RBFOX3: variants seen among roughly 807,000 people sequenced by gnomAD.
RBFOX3 encodes the protein RNA binding fox-1 homolog 3, also known as RNA binding protein fox-1 homolog 3.
A neutral mutation model predicts 48.7 loss-of-function variants in RBFOX3; 17 were observed. That is an observed-to-expected ratio of 0.35 (90% confidence interval 0.24 to 0.52). RBFOX3 has a LOEUF of 0.52. RBFOX3 is among the 20% of genes least tolerant of loss of function. RBFOX3 has a pLI of 0.94. For missense variants in RBFOX3, 382 were observed against 497.5 expected (o/e 0.77, Z 2.21); for synonymous variants, 212 against 209.5 (o/e 1.01, Z -0.10).
intron 1 of RBFOX3, among the ~76,000 whole-genome samples, chr17:79,575,128 G>A (rs1333371681): frequency 7.2e-5 from 11 of 152,324 alleles, no homozygotes; most frequent in African/African-American, 1.9e-4. Context: ...CCCCCCAGGC[G>A]ATTCCAACAT....
chr17:79,659,351 C>T, the RBFOX3 span, among the ~76,000 whole-genome samples: 1 of 152,212 alleles, frequency 6.6e-6, no homozygotes, highest in African/African-American at 2.4e-5. Context: ...GGTCAAGCGG[C>T]CTGTTGTGGA....
intron 2 of RBFOX3, among the ~76,000 whole-genome samples, chr17:79,370,424 A>T (rs2058359434): frequency 6.6e-6 from 1 of 152,224 alleles, no homozygotes. Context: ...TCACATGCTC[A>T]CATACACATG....
intron 3 of RBFOX3, among the ~76,000 whole-genome samples, chr17:79,303,313 G>A (rs1317091184): frequency 2.0e-5 from 3 of 152,002 alleles, no homozygotes; most frequent in African/African-American, 2.4e-5. Flanking sequence ...CTGATTATGC[G>A]GTATATGGTT....
intron 4 of RBFOX3, among the ~76,000 whole-genome samples, chr17:79,147,665 G>A (rs1471823590): frequency 6.6e-6 from 1 of 152,214 alleles, no homozygotes; most frequent in African/African-American, 2.4e-5. Context: ...CAGAGCACGT[G>A]GAGCCCAATC....
chr17:79,402,069 A>T (rs2062881645), intron 2 of RBFOX3, among the ~76,000 whole-genome samples: 1 of 152,230 alleles, frequency 6.6e-6, no homozygotes. Flanking sequence ...GCCCACCACC[A>T]GGAGCCCAGG....
intron 4 of RBFOX3, among the ~76,000 whole-genome samples, chr17:79,155,395 T>C (rs141408318): frequency 6.6e-6 from 1 of 152,220 alleles, no homozygotes; most frequent in African/African-American, 2.4e-5. Context: ...AGGAAGCCAG[T>C]GGGCAGGGAG....
At chr17:79,202,315 C>G (rs981520912) in intron 4 of RBFOX3, among the ~76,000 whole-genome samples, 1 of 152,244 alleles carries the variant, frequency 6.6e-6, no homozygotes, top group African/African-American at 2.4e-5. Context: ...CTGGGTAACT[C>G]TGGGGCTGTG....
chr17:79,494,410 C>G (rs1446235671), intron 1 of RBFOX3, among the ~76,000 whole-genome samples: 1 of 152,208 alleles, frequency 6.6e-6, no homozygotes, highest in African/African-American at 2.4e-5. Context: ...CCACAGCTTG[C>G]CTGTAAGCAG....
chr17:79,640,626 T>C, the RBFOX3 span, among the ~76,000 whole-genome samples: 1 of 152,020 alleles, frequency 6.6e-6, no homozygotes, highest in African/African-American at 2.4e-5. Flanking sequence ...TCGAACAAAA[T>C]AGAGAGCCCA....
At chr17:79,319,873 T>C (rs1327821209) in intron 2 of RBFOX3, among the ~76,000 whole-genome samples, 1 of 57,804 alleles carries the variant, frequency 1.7e-5, no homozygotes, top group African/African-American at 9.3e-5. Flanking sequence ...GCTGGTCCTG[T>C]CTGGGCTGCT....
chr17:79,151,085 ACT>A (rs1348689633), intron 4 of RBFOX3, among the ~76,000 whole-genome samples: 3 of 152,120 alleles, frequency 2.0e-5, no homozygotes, highest in East Asian at 3.9e-4. Context: ...TGGGCCCTGG[ACT>A]CTCAGAACCA....
At chr17:79,399,058 G>C (rs1488167896) in intron 2 of RBFOX3, among the ~76,000 whole-genome samples, 1 of 152,180 alleles carries the variant, frequency 6.6e-6, no homozygotes, top group Non-Finnish European at 1.5e-5. Context: ...CAGGGTTGGA[G>C]TGACGCGGCT....
At chr17:79,322,738 C>T (rs1598258370) in intron 2 of RBFOX3, among the ~76,000 whole-genome samples, 2 of 152,252 alleles carry the variant, frequency 1.3e-5, no homozygotes, top group East Asian at 3.9e-4. Flanking sequence ...CCTGTGTGTT[C>T]ATATATGCAT....
chr17:79,329,669 C>A lies in RBFOX3; in HGVS notation c.-174-21845G>T, dbSNP rs2079913995. On this transcript the variant is annotated intron_variant, in intron 2 of 14. Transcript: ENST00000693108. ...GCAAAGTCTAGGGAAGCTGTAGGCC[C>A]CCCACCCCGGCCTAATGGCCAGCCC... 6.6e-5 allele frequency among the ~76,000 whole-genome samples: 10 copies of A among 152,262 alleles called. No homozygotes were observed. In the South Asian group the frequency reaches 2.1e-3, roughly 32 times the overall value.
In RBFOX3 at chr17:79,525,243, G is replaced by A. The variant is rs1042200615; in HGVS notation, c.-319-42645C>T. On this transcript the variant is annotated intron_variant, in intron 1 of 14. Coordinates refer to ENST00000693108, the MANE Select transcript of RBFOX3 (RefSeq NM_001350451.2). ...ACACCAGGAGCACCCCACCTCCAAC[G>A]GAGAAAATGCAAGATGTCTCCAGAC... Among the ~76,000 whole-genome samples, 84 of 152,270 alleles carry A rather than the reference G, an allele frequency of 5.5e-4. No individual in the cohort carries two copies. In the East Asian group the frequency reaches 0.011, roughly 20 times the overall value.
chr17:79,298,987 G>T (rs879096801), intron 3 of RBFOX3, among the ~76,000 whole-genome samples: 2 of 152,214 alleles, frequency 1.3e-5, no homozygotes, highest in Non-Finnish European at 2.9e-5. Context: ...GCCTGCTGAT[G>T]CAAGGCTGGG....
At chr17:79,640,738 A>G in the RBFOX3 span, among the ~76,000 whole-genome samples, 20 of 152,328 alleles carry the variant, frequency 1.3e-4, no homozygotes, top group African/African-American at 4.8e-4. Flanking sequence ...GTTTAAAAAA[A>G]CTGAAGATTC....
At chr17:79,117,533 C>G (rs2034415262) in intron 4 of RBFOX3, among the ~76,000 whole-genome samples, 1 of 152,224 alleles carries the variant, frequency 6.6e-6, no homozygotes, top group Non-Finnish European at 1.5e-5. Flanking sequence ...CCGCTTCCCT[C>G]CACACCCACA....
chr17:79,610,282 C>T (rs2093941908), intron 1 of RBFOX3, among the ~76,000 whole-genome samples: 1 of 152,018 alleles, frequency 6.6e-6, no homozygotes, highest in African/African-American at 2.4e-5. Context: ...GGCCTGGGTG[C>T]CGCGACAGAC....
Sources: allele counts gnomAD v4.1 joint callset (sites outside exome capture counted in the v4.1 genomes callset), GRCh38; gene constraint gnomAD v4.1.1; transcripts MANE v1.5; gene names NCBI Gene and HGNC (gene_info 2026-07-23, HGNC 2026-07-21).